The following SI variants were observed in gnomAD, a reference collection of about 807,000 sequenced individuals.
The protein encoded by SI is sucrase-isomaltase, also known as sucrase-isomaltase, intestinal.
In SI, 235 loss-of-function variants were observed where a neutral mutation model predicts 253.3. The observed-to-expected ratio is 0.93, with a 90% CI of 0.83 to 1.03. The LOEUF (loss-of-function observed/expected upper bound fraction) is 1.03, where lower values mean the gene tolerates loss of function less well. SI is among the 50% of genes least tolerant of loss of function. SI has a pLI of 0.00. For missense variants in SI, 2,442 were observed against 2,211.1 expected (o/e 1.10, Z -2.09); for synonymous variants, 819 against 712.0 (o/e 1.15, Z -2.39).
In SI at chr3:164,979,278, C is replaced by T; in HGVS notation, c.*84G>A. 1.2e-6 allele frequency: 1 copy of T among 829,740 alleles called. No homozygotes were observed. 51.4% of individuals were successfully genotyped at this position (829,740 alleles called of 1,614,324 possible). ...GCTATATTTTGTAGAGTACAAGAACCAAGTGAAGAGGGAAAATTGTAAGTG... is the reference window on the plus strand; with the variant it reads ...GCTATATTTTGTAGAGTACAAGAACTAAGTGAAGAGGGAAAATTGTAAGTG... On this transcript the variant is annotated 3_prime_UTR_variant, in exon 48 of 48. Transcript: ENST00000264382.
chr3:165,057,333 C>A (rs1223084410), intron 12 of SI, among the ~76,000 whole-genome samples: 3 of 151,376 alleles, frequency 2.0e-5, no homozygotes, highest in African/African-American at 7.3e-5. Context: ...AGCATGGCTA[C>A]AAGATGTAGA....
chr3:165,001,465 A>G (rs1046711762), intron 37 of SI, among the ~76,000 whole-genome samples: 1 of 151,510 alleles, frequency 6.6e-6, no homozygotes, highest in Admixed American at 6.6e-5. Context: ...TTGAAATTGG[A>G]TAAGTATTTT....
At chr3:165,047,231 C>G (rs1022082447) in intron 15 of SI, among the ~76,000 whole-genome samples, 22 of 152,026 alleles carry the variant, frequency 1.4e-4, no homozygotes, top group African/African-American at 5.3e-4. Context: ...CTGCACTGTT[C>G]TTATGATAGT....
upstream of SI, among the ~76,000 whole-genome samples, chr3:165,080,541 G>A (rs1201263749): frequency 6.6e-6 from 1 of 151,948 alleles, no homozygotes; most frequent in Admixed American, 6.6e-5. Context: ...AGAAAATGTG[G>A]CTCATATACA....
chr3:165,001,256 G>A (rs1333584386), intron 37 of SI, among the ~76,000 whole-genome samples: 2 of 151,284 alleles, frequency 1.3e-5, no homozygotes, highest in Admixed American at 6.6e-5. Flanking sequence ...AATACAGACT[G>A]CTGTATAGTA....
intron 3 of SI, 72 bp downstream of exon 3, chr3:165,074,459 C>T (rs368560751): frequency 2.1e-6 from 2 of 934,460 alleles, no homozygotes. Context: ...AAGATCGATC[C>T]AATATTCAGC....
At chr3:165,085,548 A>G in the SI span, among the ~76,000 whole-genome samples, 1 of 152,172 alleles carries the variant, frequency 6.6e-6, no homozygotes, top group African/African-American at 2.4e-5. Context: ...CAGCTCTAAT[A>G]TTCACATTTA....
intron 37 of SI, among the ~76,000 whole-genome samples, chr3:165,004,366 A>G (rs1718401662): frequency 1.3e-5 from 2 of 152,196 alleles, no homozygotes; most frequent in Non-Finnish European, 2.9e-5. Context: ...GTAAATTCAT[A>G]CAACCACTAT....
chr3:165,073,173 TCTCTCTCTCTCTCTC>T (rs1714697776), intron 3 of SI, among the ~76,000 whole-genome samples: 1 of 616 alleles, frequency 1.6e-3, no homozygotes. Flanking sequence ...CAATCATTTC[TCTCTCTCTCTCTCTC>T]TCTCTCTCTC....
intron 20 of SI, among the ~76,000 whole-genome samples, 163 bp downstream of exon 20, chr3:165,038,915 T>G (rs1004688264): frequency 3.3e-5 from 5 of 152,174 alleles, no homozygotes; most frequent in Non-Finnish European, 5.9e-5. Context: ...TACACAAATT[T>G]TAACACATTT....
chr3:165,023,769 G>A lies in SI; in HGVS notation c.2900C>T (p.Ser967Phe), dbSNP rs1431852303. The A allele has an allele frequency of 2.5e-6, 4 of 1,608,804 alleles. No homozygotes were observed. In the African/African-American group the frequency reaches 4.0e-5, roughly 16 times the overall value. Residue 967 changes from serine (S) to phenylalanine (F), a missense_variant, in exon 26 of 48, where the codon TCT becomes TTT. Physicochemically the swap from Ser to Phe is radical, Grantham distance 155 (BLOSUM62 -2). Transcript: ENST00000264382. ...QRGCVWRTGSSLSKAPECYFP... is the reference protein window; with the variant it reads ...QRGCVWRTGSFLSKAPECYFP... ...GTAACACTCAGGTGCTTTGGATAGAGAAGAACCCTAAAAACACAATGCATG... is the reference window on the plus strand; with the variant it reads ...GTAACACTCAGGTGCTTTGGATAGAAAAGAACCCTAAAAACACAATGCATG...
At chr3:165,009,938 G>A (rs1038716665) in intron 34 of SI, among the ~76,000 whole-genome samples, 1 of 152,006 alleles carries the variant, frequency 6.6e-6, no homozygotes, top group Non-Finnish European at 1.5e-5. Context: ...AAACATAAAA[G>A]TTCCAGTGTC....
chr3:164,987,100 G>C (rs1014795634), intron 45 of SI, 38 bp downstream of exon 45: 1 of 1,394,088 alleles, frequency 7.2e-7, no homozygotes, highest in South Asian at 1.2e-5. Flanking sequence ...GATAGAATAC[G>C]ACATCAATTA....
At chr3:164,996,438 C>T in intron 40 of SI, 97 bp downstream of exon 40, 1 of 798,348 alleles carries the variant, frequency 1.3e-6, no homozygotes, top group East Asian at 2.5e-5. Context: ...TATATAACAT[C>T]AATAAATATA....
intron 25 of SI, among the ~76,000 whole-genome samples, chr3:165,025,079 C>T (rs1272335191): frequency 1.3e-5 from 2 of 151,174 alleles, no homozygotes; most frequent in East Asian, 3.9e-4. Flanking sequence ...TCTTTCTAAG[C>T]CTCCTTTGTC....
intron 37 of SI, among the ~76,000 whole-genome samples, chr3:165,000,033 A>G (rs986552942): frequency 5.3e-5 from 8 of 151,342 alleles, no homozygotes; most frequent in African/African-American, 1.9e-4. Flanking sequence ...AATAAGAAAT[A>G]AATATATAAA....
At chr3:165,072,154 CTT>C (rs940235867) in intron 3 of SI, among the ~76,000 whole-genome samples, 1 of 151,078 alleles carries the variant, frequency 6.6e-6, no homozygotes, top group African/African-American at 2.4e-5. Flanking sequence ...TAAGATAAAT[CTT>C]TTTTTTTAAA....
intron 13 of SI, among the ~76,000 whole-genome samples, chr3:165,052,286 T>C (rs1713471578): frequency 6.6e-6 from 1 of 152,184 alleles, no homozygotes; most frequent in Non-Finnish European, 1.5e-5. Context: ...AGATTTTTAA[T>C]ATTACAACTA....
intron 6 of SI, 33 bp from the exon 7 acceptor site, chr3:165,065,465 A>T: frequency 7.1e-6 from 1 of 140,980 alleles, no homozygotes; most frequent in Non-Finnish European, 1.1e-5. Flanking sequence ...AAATAATCTA[A>T]TATATATATA....
Sources: gnomAD v4.1 joint callset for allele counts (sites outside exome capture counted in the v4.1 genomes callset) on GRCh38, gnomAD v4.1.1 for gene constraint, MANE v1.5 for transcripts, NCBI Gene and HGNC (gene_info 2026-07-23, HGNC 2026-07-21) for gene names.